The following PTGR1 variants were observed in gnomAD, a reference collection of about 807,000 sequenced individuals.
PTGR1 encodes the protein prostaglandin reductase 1.
Under a neutral mutation model 37.7 loss-of-function variants are expected in PTGR1, and 23 were observed. The ratio of observed to expected loss-of-function variants is 0.61; its 90% confidence interval spans 0.44 to 0.86. The LOEUF is 0.86. Ranked by LOEUF, PTGR1 falls within the 40% of genes least tolerant of loss-of-function variation. PTGR1 has a pLI of 0.00. For synonymous variants in PTGR1, 134 were observed against 140.0 expected, an observed-to-expected ratio of 0.96 and a Z score of 0.30; for missense variants, 351 against 394.3, an observed-to-expected ratio of 0.89 and a Z score of 0.93.
At chr9:111,550,660 A>G (rs1223935688) in intron 9 of PTGR1, among the ~76,000 whole-genome samples, 1 of 152,178 alleles carries the variant, frequency 6.6e-6, no homozygotes, top group Non-Finnish European at 1.5e-5. Flanking sequence ...GGGCCACTCT[A>G]TCCATGTCTT....
intron 4 of PTGR1, among the ~76,000 whole-genome samples, chr9:111,589,645 T>TC (rs1193389035): frequency 6.6e-6 from 1 of 151,698 alleles, no homozygotes; most frequent in South Asian, 2.1e-4. Context: ...ATGAATACTT[T>TC]TTTTTTTTTG....
At chr9:111,562,173 T>G (rs1828346680), downstream of PTGR1, among the ~76,000 whole-genome samples, 2 of 150,350 alleles carry the variant, frequency 1.3e-5, no homozygotes, top group Non-Finnish European at 3.0e-5. Flanking sequence ...GCGCCCGGCC[T>G]ATGCTGGTGT....
chr9:111,576,384 A>G, intron 7 of PTGR1: 2 of 1,614,148 alleles, frequency 1.2e-6, no homozygotes, highest in African/African-American at 2.7e-5. Flanking sequence ...GAGCAGTAAA[A>G]AAGATGCAGA....
At chr9:111,561,106 TATATAG>T (rs1463409744), downstream of PTGR1, among the ~76,000 whole-genome samples, 7 of 23,164 alleles carry the variant, frequency 3.0e-4, no homozygotes, top group African/African-American at 1.4e-3. Flanking sequence ...TATATATATA[TATATAG>T]AGAGAGAGAG....
At chr9:111,580,518 G>T (rs949668298) in intron 6 of PTGR1, among the ~76,000 whole-genome samples, 4 of 152,084 alleles carry the variant, frequency 2.6e-5, no homozygotes, top group African/African-American at 9.7e-5. Flanking sequence ...CACTTTGGGG[G>T]GCTGAGGTGG....
downstream of PTGR1, among the ~76,000 whole-genome samples, chr9:111,562,276 C>CT (rs35900341): frequency 0.29 from 40,474 of 140,504 alleles, 7,124 homozygotes; most frequent in Non-Finnish European, 0.41. Context: ...AAGCAGTAAA[C>CT]TTTTTTTTTT....
chr9:111,594,270 A>T lies in PTGR1; in HGVS notation c.107-3T>A. The T allele has an allele frequency of 6.2e-7, 1 of 1,613,176 alleles. No individual in the cohort carries two copies. Among genetic ancestry groups the T allele is most frequent in the Non-Finnish European group, 8.5e-7 (1 of 1,179,210 alleles). On this transcript the variant is annotated splice_polypyrimidine_tract_variant and splice_region_variant and intron_variant, in intron 2 of 9. Coordinates refer to ENST00000407693, the MANE Select transcript of PTGR1 (RefSeq NM_001146108.2). ...GAACAAAGCTTCAAGCAGGACCTCT[A>T]CAAAATAAAGCATTCCATAGGCAAT...
chr9:111,589,441 G>A (rs887657665), intron 4 of PTGR1: 4 of 828,132 alleles, frequency 4.8e-6, no homozygotes, highest in African/African-American at 1.9e-5. Flanking sequence ...GTTTTTTTAA[G>A]AGACAGGGTT....
chr9:111,563,416 A>G, intron 9 of PTGR1, 185 bp from the exon 10 acceptor site: 1 of 512,932 alleles, frequency 1.9e-6, no homozygotes, highest in Non-Finnish European at 3.4e-6. Flanking sequence ...TACATGTAAA[A>G]AAGATTACAA....
intron 9 of PTGR1, among the ~76,000 whole-genome samples, chr9:111,556,301 C>T (rs1265762850): frequency 6.6e-6 from 1 of 152,246 alleles, no homozygotes; most frequent in Non-Finnish European, 1.5e-5. Flanking sequence ...CCCATGGCTG[C>T]TCTCAAGGCC....
Position 111,594,221 on chromosome 9 carries a change from C to A in PTGR1, c.152+1G>T, listed in dbSNP as rs537674676. ...ATTTTGAGGGGCGAAATAAATAATA[C>A]CTCATGTAGGGATCCACGGTGAGGA... On this transcript the variant is annotated splice_donor_variant, in intron 3 of 9. Transcript: ENST00000407693. LOFTEE classifies it high-confidence loss of function. 206 of 1,612,042 alleles carry A rather than the reference C, an allele frequency of 1.3e-4. 4 individuals carry two copies. In the Middle Eastern group the frequency reaches 0.011, roughly 85 times the overall value.
chr9:111,564,275 CTT>C (rs764719094), intron 9 of PTGR1: 9 of 692,834 alleles, frequency 1.3e-5, no homozygotes, highest in Non-Finnish European at 1.7e-5. Context: ...GAAATTTAAA[CTT>C]TTATTATTAT....
chr9:111,587,263 T>C (rs1253557178), intron 4 of PTGR1, among the ~76,000 whole-genome samples: 2 of 152,138 alleles, frequency 1.3e-5, no homozygotes, highest in Non-Finnish European at 2.9e-5. Flanking sequence ...CATCCAACTC[T>C]TTATCCTTCT....
intron 4 of PTGR1, among the ~76,000 whole-genome samples, chr9:111,586,575 C>T (rs1160444494): frequency 6.6e-6 from 1 of 152,044 alleles, no homozygotes; most frequent in Non-Finnish European, 1.5e-5. Flanking sequence ...TATAAGCATG[C>T]TCAAGTCTGC....
At chr9:111,574,028 G>T (rs1349755816) in intron 8 of PTGR1, among the ~76,000 whole-genome samples, 2 of 152,174 alleles carry the variant, frequency 1.3e-5, no homozygotes, top group Non-Finnish European at 2.9e-5. Flanking sequence ...CACTGCCCAA[G>T]ATTTCTGAAG....
chr9:111,556,862 C>A (rs1027161897), intron 9 of PTGR1, among the ~76,000 whole-genome samples: 2 of 152,306 alleles, frequency 1.3e-5, no homozygotes, highest in African/African-American at 4.8e-5. Flanking sequence ...GTATAGCCTG[C>A]GGAACTGAGA....
chr9:111,573,148 A>G (rs1415965329), intron 8 of PTGR1, among the ~76,000 whole-genome samples: 1 of 152,166 alleles, frequency 6.6e-6, no homozygotes, highest in African/African-American at 2.4e-5. Flanking sequence ...GACTAGATCG[A>G]GTTACTGTAT....
chr9:111,590,096 C>CT (rs1829563986), intron 4 of PTGR1, among the ~76,000 whole-genome samples: 1 of 152,076 alleles, frequency 6.6e-6, no homozygotes, highest in Non-Finnish European at 1.5e-5. Context: ...ATTTGCAACA[C>CT]TAATATCCTG....
intron 9 of PTGR1, among the ~76,000 whole-genome samples, chr9:111,552,100 G>A (rs376010094): frequency 2.6e-5 from 4 of 152,134 alleles, no homozygotes; most frequent in Non-Finnish European, 5.9e-5. Flanking sequence ...CATATGCAGC[G>A]TGATATTAGG....
Sources: gnomAD v4.1 joint callset for allele counts (sites outside exome capture counted in the v4.1 genomes callset) on GRCh38, gnomAD v4.1.1 for gene constraint, MANE v1.5 for transcripts, NCBI Gene and HGNC (gene_info 2026-07-23, HGNC 2026-07-21) for gene names.